The following CTNNA3 variants were observed in gnomAD, a reference collection of about 807,000 sequenced individuals.
The protein encoded by CTNNA3 is catenin alpha-3.
CTNNA3 carries 76 observed loss-of-function variants against 95.7 expected under a neutral mutation model. The ratio of observed to expected loss-of-function variants is 0.79; its 90% CI spans 0.66 to 0.96. The LOEUF (loss-of-function observed/expected upper bound fraction) is 0.96. Ranked by LOEUF, CTNNA3 falls within the 40% of genes least tolerant of loss-of-function variation. The probability of loss-of-function intolerance (pLI) is 0.00; values close to 1 mark genes in which losing one functional copy is unlikely to be tolerated. For synonymous variants in CTNNA3, 431 were observed against 374.4 expected, an observed-to-expected ratio of 1.15 and a Z score of -1.74; for missense variants, 1,191 against 1,089.8, an observed-to-expected ratio of 1.09 and a Z score of -1.31.
chr10:66,665,011 A>C (rs952158920), intron 9 of CTNNA3, among the ~76,000 whole-genome samples: 1 of 152,056 alleles, frequency 6.6e-6, no homozygotes, highest in Non-Finnish European at 1.5e-5. Context: ...GCGGATAAAA[A>C]ATTATGTAAA....
intron 1 of CTNNA3, among the ~76,000 whole-genome samples, chr10:67,751,493 A>G (rs1227711139): frequency 1.3e-5 from 2 of 152,196 alleles, no homozygotes; most frequent in Non-Finnish European, 2.9e-5. Context: ...GTCAAGCACC[A>G]GAAACTCTGC....
At chr10:67,705,073 A>C (rs1226627727) in intron 1 of CTNNA3, among the ~76,000 whole-genome samples, 1 of 152,276 alleles carries the variant, frequency 6.6e-6, no homozygotes, top group Non-Finnish European at 1.5e-5. Flanking sequence ...CAAAACCACA[A>C]TGAGATACCA....
At chr10:66,581,239 C>G (rs961175917) in intron 10 of CTNNA3, among the ~76,000 whole-genome samples, 1 of 151,584 alleles carries the variant, frequency 6.6e-6, no homozygotes, top group Non-Finnish European at 1.5e-5. Context: ...TATATTCATT[C>G]CTTTTCTTTT....
intron 7 of CTNNA3, among the ~76,000 whole-genome samples, chr10:66,860,210 T>G (rs999669624): frequency 6.6e-6 from 1 of 152,150 alleles, no homozygotes; most frequent in Non-Finnish European, 1.5e-5. Flanking sequence ...ACTTTAGAGA[T>G]AATCTAAAAG....
intron 6 of CTNNA3, among the ~76,000 whole-genome samples, chr10:67,213,929 C>T (rs1194886449): frequency 6.6e-6 from 1 of 151,706 alleles, no homozygotes. Flanking sequence ...AGCATTTTTA[C>T]TAGTATTGAT....
At chr10:65,922,792 G>T (rs2077109710) in intron 17 of CTNNA3, among the ~76,000 whole-genome samples, 1 of 152,090 alleles carries the variant, frequency 6.6e-6, no homozygotes, top group Non-Finnish European at 1.5e-5. Flanking sequence ...CTACTACAAA[G>T]ATACTACCCG....
intron 1 of CTNNA3, among the ~76,000 whole-genome samples, chr10:67,720,129 C>CTTTTTTTGTTTTTTTTTTT (rs1841170904): frequency 1.5e-4 from 1 of 6,614 alleles, no homozygotes; most frequent in Non-Finnish European, 3.6e-4. Flanking sequence ...GCAACCCCTG[C>CTTTTTTTGTTTTTTTTTTT]TTTTTTTTTT....
intron 12 of CTNNA3, among the ~76,000 whole-genome samples, chr10:66,300,284 G>A (rs903817520): frequency 6.6e-6 from 1 of 152,064 alleles, no homozygotes; most frequent in Admixed American, 6.6e-5. Context: ...AAAGCATTAG[G>A]AGAAATAGTA....
chr10:67,036,095 C>T (rs1854034576), intron 7 of CTNNA3, among the ~76,000 whole-genome samples: 1 of 152,196 alleles, frequency 6.6e-6, no homozygotes, highest in Admixed American at 6.5e-5. Flanking sequence ...AGATATTAGA[C>T]CTTAGTAGAG....
chr10:66,623,181 T>C (rs75745410), intron 9 of CTNNA3, among the ~76,000 whole-genome samples: 5,117 of 152,232 alleles, frequency 0.034, 127 homozygotes, highest in Middle Eastern at 0.095. Flanking sequence ...CTAATTGCTT[T>C]AATTTGTATT....
chr10:67,367,461 G>A (rs1843258728), intron 5 of CTNNA3, among the ~76,000 whole-genome samples: 1 of 151,986 alleles, frequency 6.6e-6, no homozygotes, highest in African/African-American at 2.4e-5. Context: ...CCTATAAACT[G>A]TTTGTGGGAA....
intron 13 of CTNNA3, among the ~76,000 whole-genome samples, chr10:66,218,466 T>C (rs769185335): frequency 2.0e-5 from 3 of 152,166 alleles, no homozygotes; most frequent in South Asian, 2.1e-4. Context: ...AGGAACCCTA[T>C]AGGCGAGCTC....
At chr10:67,145,907 T>C (rs1343776908) in intron 7 of CTNNA3, among the ~76,000 whole-genome samples, 1 of 152,214 alleles carries the variant, frequency 6.6e-6, no homozygotes, top group Non-Finnish European at 1.5e-5. Flanking sequence ...ATTGAGGATT[T>C]ATTCTACCTT....
rs1224289038 is a variant in CTNNA3, at chr10:66,984,896, C to T, written c.1047+195421G>A. Among the ~76,000 whole-genome samples the T allele has an allele frequency of 3.3e-5, 5 of 151,384 alleles. No individual in the cohort carries two copies. The East Asian group carries it at 9.7e-4, about 29-fold the overall frequency. On this transcript the variant is annotated intron_variant, in intron 7 of 17. Coordinates refer to ENST00000433211, the MANE Select transcript of CTNNA3 (RefSeq NM_013266.4). ...ACACATTTTTTGCTCTGTTTTGGTG[C>T]TTTTTTTTTGTTTAAGTACAATAAG...
chr10:65,976,189 T>C (rs2078205049), intron 16 of CTNNA3, among the ~76,000 whole-genome samples: 1 of 152,172 alleles, frequency 6.6e-6, no homozygotes, highest in African/African-American at 2.4e-5. Context: ...GCCAATTTTA[T>C]CTTTTTTGTA....
chr10:67,594,729 T>A (rs1479267262), intron 3 of CTNNA3, among the ~76,000 whole-genome samples: 3 of 152,168 alleles, frequency 2.0e-5, no homozygotes, highest in Non-Finnish European at 4.4e-5. Context: ...TTTTTTATTT[T>A]TTAAAAAAAT....
At chr10:67,726,507 TTA>T (rs1338928051) in intron 1 of CTNNA3, among the ~76,000 whole-genome samples, 1 of 65,664 alleles carries the variant, frequency 1.5e-5, no homozygotes, top group Non-Finnish European at 2.5e-5. Flanking sequence ...ATATAATATA[TTA>T]TATATTATAT....
chr10:67,672,397 C>T (rs1324640731), intron 1 of CTNNA3, among the ~76,000 whole-genome samples: 6 of 152,116 alleles, frequency 3.9e-5, no homozygotes, highest in Admixed American at 3.3e-4. Context: ...GCTTTTGTTG[C>T]CATTGCTTTT....
chr10:66,164,268 G>A (rs1483987717), intron 13 of CTNNA3, among the ~76,000 whole-genome samples: 2 of 152,046 alleles, frequency 1.3e-5, no homozygotes, highest in Admixed American at 6.6e-5. Flanking sequence ...ATACCATCAA[G>A]ATACCTATTA....
Sources: gnomAD v4.1 joint callset for allele counts (sites outside exome capture counted in the v4.1 genomes callset) on GRCh38, gnomAD v4.1.1 for gene constraint, MANE v1.5 for transcripts, NCBI Gene and HGNC (gene_info 2026-07-23, HGNC 2026-07-21) for gene names.